Variants in HPSE2 observed in about 807,000 individuals in gnomAD.
The protein encoded by HPSE2 is inactive heparanase-2.
HPSE2 carries 38 observed loss-of-function variants against 60.5 expected under a neutral mutation model. That is an observed-to-expected ratio of 0.63 (90% CI 0.48 to 0.82). The LOEUF (loss-of-function observed/expected upper bound fraction) is 0.82, where lower values mean the gene tolerates loss of function less well. Ranked by LOEUF, HPSE2 falls within the 40% of genes least tolerant of loss-of-function variation. HPSE2 has a pLI of 0.00. For missense variants in HPSE2, 713 were observed against 740.4 expected, an observed-to-expected ratio of 0.96 and a Z score of 0.43; for synonymous variants, 295 against 293.2, an observed-to-expected ratio of 1.01 and a Z score of -0.06.
chr10:99,307,771 C>A, the HPSE2 span, among the ~76,000 whole-genome samples: 130,017 of 151,478 alleles, frequency 0.86, 56,148 homozygotes, highest in African/African-American at 0.93. Flanking sequence ...TCTCTGAATG[C>A]AAAAATGATA....
At chr10:98,558,196 T>C (rs1253595345) in intron 9 of HPSE2, among the ~76,000 whole-genome samples, 1 of 152,206 alleles carries the variant, frequency 6.6e-6, no homozygotes, top group Non-Finnish European at 1.5e-5. Context: ...TATAAGTTTA[T>C]ACACCTTGGC....
At chr10:98,832,390 C>T (rs774232615) in intron 3 of HPSE2, among the ~76,000 whole-genome samples, 13 of 152,082 alleles carry the variant, frequency 8.5e-5, no homozygotes, top group African/African-American at 2.2e-4. Flanking sequence ...GCTTGGAAGA[C>T]GCTTGGGGTC....
intron 9 of HPSE2, among the ~76,000 whole-genome samples, chr10:98,544,603 C>G (rs1298330269): frequency 1.3e-5 from 2 of 149,996 alleles, no homozygotes; most frequent in African/African-American, 4.9e-5. Flanking sequence ...GTCCCAGCTA[C>G]GCGGGAGGCT....
At chr10:99,191,569 G>GC (rs1347302275) in intron 2 of HPSE2, among the ~76,000 whole-genome samples, 2 of 152,240 alleles carry the variant, frequency 1.3e-5, no homozygotes, top group African/African-American at 4.8e-5. Flanking sequence ...GGCTTGGGGT[G>GC]CCCCCTCATG....
intron 3 of HPSE2, among the ~76,000 whole-genome samples, chr10:99,136,704 A>T (rs980038018): frequency 3.3e-5 from 5 of 152,204 alleles, no homozygotes; most frequent in Non-Finnish European, 7.3e-5. Context: ...TTCATGCTAA[A>T]ATCTCTCAAT....
intron 9 of HPSE2, among the ~76,000 whole-genome samples, chr10:98,584,351 G>A (rs2133928496): frequency 6.6e-6 from 1 of 152,272 alleles, no homozygotes; most frequent in African/African-American, 2.4e-5. Context: ...TGGTTGGGTT[G>A]CAGGAATCAA....
intron 7 of HPSE2, among the ~76,000 whole-genome samples, chr10:98,637,753 G>T (rs1411118224): frequency 6.6e-6 from 1 of 152,136 alleles, no homozygotes; most frequent in Non-Finnish European, 1.5e-5. Context: ...TGGGCCTAAT[G>T]GGGTCCTTAG....
At chr10:98,741,274 A>G (rs1004876876) in intron 4 of HPSE2, among the ~76,000 whole-genome samples, 2 of 151,960 alleles carry the variant, frequency 1.3e-5, no homozygotes, top group South Asian at 4.1e-4. Flanking sequence ...CTATTTTCTT[A>G]TCAATGACAG....
At chr10:98,955,367 TC>T (rs1456451482) in intron 3 of HPSE2, among the ~76,000 whole-genome samples, 2 of 152,106 alleles carry the variant, frequency 1.3e-5, no homozygotes, top group Non-Finnish European at 2.9e-5. Context: ...AAGCTCAAAA[TC>T]AGTGATCATT....
At chr10:98,770,897 C>G (rs1950227407) in intron 3 of HPSE2, among the ~76,000 whole-genome samples, 1 of 152,098 alleles carries the variant, frequency 6.6e-6, no homozygotes, top group East Asian at 1.9e-4. Flanking sequence ...GGTAGGTGAG[C>G]ATGAACAGCC....
intron 3 of HPSE2, among the ~76,000 whole-genome samples, chr10:99,055,775 A>ATACATTATG (rs1180567784): frequency 1.3e-5 from 2 of 152,176 alleles, no homozygotes; most frequent in Non-Finnish European, 1.5e-5. Context: ...TTTCTAACTG[A>ATACATTATG]ATAATAATAA....
intron 3 of HPSE2, among the ~76,000 whole-genome samples, chr10:99,009,833 A>G (rs1365200005): frequency 1.3e-5 from 2 of 152,266 alleles, no homozygotes; most frequent in Non-Finnish European, 1.5e-5. Context: ...CATTTAAAAT[A>G]GCAACTACCA....
chr10:98,509,362 G>C (rs1942309570), intron 9 of HPSE2, among the ~76,000 whole-genome samples: 1 of 152,080 alleles, frequency 6.6e-6, no homozygotes, highest in Non-Finnish European at 1.5e-5. Context: ...GGTTAGTTTA[G>C]ATGAAAGATG....
intron 3 of HPSE2, among the ~76,000 whole-genome samples, chr10:99,050,133 T>C (rs769912038): frequency 3.9e-5 from 6 of 152,076 alleles, no homozygotes; most frequent in Non-Finnish European, 5.9e-5. Context: ...ACCTCATCTC[T>C]ACAAAAAAAG....
chr10:99,303,282 G>A, the HPSE2 span, among the ~76,000 whole-genome samples: 8 of 152,054 alleles, frequency 5.3e-5, no homozygotes, highest in African/African-American at 9.7e-5. Flanking sequence ...GGCTCCAAAG[G>A]GAACTCTGAA....
the HPSE2 span, among the ~76,000 whole-genome samples, chr10:99,288,945 G>A: frequency 6.6e-6 from 1 of 152,200 alleles, no homozygotes; most frequent in East Asian, 1.9e-4. Context: ...GTTTAGCTGT[G>A]AATATTTTCA....
At chr10:99,068,331 A>G (rs1244403403) in intron 3 of HPSE2, among the ~76,000 whole-genome samples, 2 of 152,174 alleles carry the variant, frequency 1.3e-5, no homozygotes, top group East Asian at 1.9e-4. Flanking sequence ...ATAAAGACAT[A>G]TGGTAATTTG....
At chr10:99,240,119 G>A (rs1159256171), upstream of HPSE2, among the ~76,000 whole-genome samples, 1 of 152,008 alleles carries the variant, frequency 6.6e-6, no homozygotes, top group East Asian at 1.9e-4. Context: ...AACTCAGGAG[G>A]TGGAGGTTAC....
chr10:98,627,068 C>T (rs1175625598), intron 7 of HPSE2, among the ~76,000 whole-genome samples: 5 of 152,170 alleles, frequency 3.3e-5, no homozygotes, highest in East Asian at 1.9e-4. Context: ...CCACCGCACC[C>T]GGCCGAGATG....
Sources: gnomAD v4.1 joint callset for allele counts (sites outside exome capture counted in the v4.1 genomes callset) on GRCh38, gnomAD v4.1.1 for gene constraint, MANE v1.5 for transcripts, NCBI Gene and HGNC (gene_info 2026-07-23, HGNC 2026-07-21) for gene names.